Variants in CHLSN observed in about 807,000 individuals in gnomAD.
The protein encoded by CHLSN is cholesin.
At chr7:1,103,396 G>A in the CHLSN span, among the ~76,000 whole-genome samples, 1 of 152,142 alleles carries the variant, frequency 6.6e-6, no homozygotes, top group Non-Finnish European at 1.5e-5. Context: ...GCTATCAGGC[G>A]CTATGCACAC....
chr7:1,042,453 A>G, the CHLSN span, among the ~76,000 whole-genome samples: 3 of 152,032 alleles, frequency 2.0e-5, no homozygotes, highest in Non-Finnish European at 4.4e-5. Context: ...GGGGCTGGCC[A>G]GGACCCTTGG....
At chr7:1,019,215 G>GAA in the CHLSN span, among the ~76,000 whole-genome samples, 1 of 124,430 alleles carries the variant, frequency 8.0e-6, no homozygotes, top group African/African-American at 3.6e-5. Context: ...AAAAAAACGG[G>GAA]GGGGGGGGAG....
chr7:1,037,578 G>C, the CHLSN span, among the ~76,000 whole-genome samples: 42,065 of 146,244 alleles, frequency 0.29, 8,826 homozygotes, highest in African/African-American at 0.38. Flanking sequence ...GTGCAGTGGC[G>C]TGAATCTCGG....
chr7:1,027,964 G>A, the CHLSN span, among the ~76,000 whole-genome samples: 26 of 152,154 alleles, frequency 1.7e-4, no homozygotes, highest in Non-Finnish European at 3.1e-4. Flanking sequence ...GTGCCTGCAG[G>A]GCCTGGACCC....
At chr7:1,070,618 A>G in the CHLSN span, among the ~76,000 whole-genome samples, 2 of 144,028 alleles carry the variant, frequency 1.4e-5, no homozygotes, top group East Asian at 2.1e-4. Context: ...ATGCATGCAC[A>G]CACGCACACA....
At chr7:1,057,894 C>T in the CHLSN span, 1 of 776,754 alleles carries the variant, frequency 1.3e-6, no homozygotes, top group Non-Finnish European at 2.4e-6. Flanking sequence ...GAGCCTCGAC[C>T]ACTACATCGA....
At chr7:991,186 C>G in the CHLSN span, among the ~76,000 whole-genome samples, 1 of 152,118 alleles carries the variant, frequency 6.6e-6, no homozygotes, top group Non-Finnish European at 1.5e-5. Context: ...ATGAGGGACA[C>G]CAAGTACAGG....
chr7:1,112,169 A>C, the CHLSN span, among the ~76,000 whole-genome samples: 1 of 152,224 alleles, frequency 6.6e-6, no homozygotes, highest in Non-Finnish European at 1.5e-5. Flanking sequence ...ACTGACATGG[A>C]AACAGTGGGC....
the CHLSN span, among the ~76,000 whole-genome samples, chr7:992,816 G>C: frequency 6.6e-6 from 1 of 152,184 alleles, no homozygotes; most frequent in South Asian, 2.1e-4. Flanking sequence ...AGTGGGACTT[G>C]GACAGCTCAG....
At chr7:1,109,284 C>A in the CHLSN span, 1 of 152,194 alleles carries the variant, frequency 6.6e-6, no homozygotes, top group Non-Finnish European at 1.5e-5. Flanking sequence ...ATTACCTAAA[C>A]TTTCATGACA....
At chr7:988,894 C>A in the CHLSN span, 2 of 971,244 alleles carry the variant, frequency 2.1e-6, no homozygotes, top group Non-Finnish European at 3.0e-6. Context: ...CTCTCTCCTC[C>A]CACCCCACAG....
At chr7:1,057,839 C>A in the CHLSN span, 1 of 777,708 alleles carries the variant, frequency 1.3e-6, no homozygotes, top group Non-Finnish European at 2.4e-6. Flanking sequence ...TGCAGATCCC[C>A]TTCAATGTGT....
At chr7:1,103,192 C>T in the CHLSN span, among the ~76,000 whole-genome samples, 17 of 152,318 alleles carry the variant, frequency 1.1e-4, no homozygotes, top group Admixed American at 7.8e-4. Flanking sequence ...AAGGCGTTTA[C>T]GTGGCTATCC....
the CHLSN span, among the ~76,000 whole-genome samples, chr7:1,115,349 C>G: frequency 6.6e-6 from 1 of 152,242 alleles, no homozygotes; most frequent in African/African-American, 2.4e-5. Context: ...ACAGACCCAG[C>G]CCCCAGGCTC....
the CHLSN span, among the ~76,000 whole-genome samples, chr7:1,107,747 G>A: frequency 1.0e-3 from 151 of 151,456 alleles, no homozygotes; most frequent in Non-Finnish European, 1.9e-3. Context: ...GGAGCCCCAC[G>A]CCCCGGGAGG....
the CHLSN span, among the ~76,000 whole-genome samples, chr7:1,089,159 G>C: frequency 6.6e-6 from 1 of 152,160 alleles, no homozygotes; most frequent in Non-Finnish European, 1.5e-5. Context: ...ATTAAATACA[G>C]AGGCGAAATG....
the CHLSN span, among the ~76,000 whole-genome samples, chr7:1,001,063 C>T: frequency 2.6e-5 from 4 of 152,206 alleles, no homozygotes; most frequent in Admixed American, 1.3e-4. Flanking sequence ...ACCCCGCCCC[C>T]GTCCCGCTCC....
At chr7:1,044,565 G>A in the CHLSN span, 1 of 150,744 alleles carries the variant, frequency 6.6e-6, no homozygotes, top group African/African-American at 2.4e-5. Context: ...TGTACACAGG[G>A]CCCGGGCGGC....
the CHLSN span, among the ~76,000 whole-genome samples, chr7:1,102,624 A>G: frequency 7.3e-5 from 11 of 151,588 alleles, no homozygotes; most frequent in Non-Finnish European, 1.3e-4. Context: ...AAAAAGCTTT[A>G]AGAGAGAAAG....
Sources: allele counts gnomAD v4.1 joint callset (sites outside exome capture counted in the v4.1 genomes callset), GRCh38; gene constraint gnomAD v4.1.1; transcripts MANE v1.5; gene names NCBI Gene and HGNC (gene_info 2026-07-23, HGNC 2026-07-21).